Variants in PATJ observed in about 807,000 individuals in gnomAD.
PATJ encodes the protein PATJ crumbs cell polarity complex component.
A neutral mutation model predicts 224.9 loss-of-function variants in PATJ; 190 were observed. The observed-to-expected ratio is 0.84, with a 90% CI of 0.75 to 0.95. The LOEUF (loss-of-function observed/expected upper bound fraction) is 0.95, where lower values mean the gene tolerates loss of function less well. Ranked by LOEUF, PATJ falls within the 40% of genes least tolerant of loss-of-function variation. PATJ has a pLI of 0.00. For missense variants in PATJ, 2,121 were observed against 2,270.3 expected (o/e 0.93, Z 1.34); for synonymous variants, 769 against 820.3 (o/e 0.94, Z 1.07).
chr1:62,114,093 C>A lies in PATJ; in HGVS notation c.4502C>A (p.Ala1501Asp), dbSNP rs770240395. 12 of 1,613,996 alleles carry A rather than the reference C, an allele frequency of 7.4e-6. No individual in the cohort carries two copies. The Admixed American group carries it at 2.0e-4, about 27-fold the overall frequency. ...VDLRNSSHEE[A>D]ITALRQTPQK... Reference sequence around the variant, plus strand: ...CTGAGGAACTCCAGCCACGAAGAAGCCATCACAGCCCTGAGGCAGACCCCC... The same window carrying A: ...CTGAGGAACTCCAGCCACGAAGAAGACATCACAGCCCTGAGGCAGACCCCC... The change falls in exon 35 of 44, where the codon GCC (alanine) becomes GAC (aspartate). Residue 1501 changes from alanine to aspartate, a missense_variant. Physicochemically the swap from Ala to Asp is moderately radical, Grantham distance 126 (BLOSUM62 -2). Transcript: ENST00000642238.
At chr1:62,127,507 T>C (rs1665845054) in intron 39 of PATJ, among the ~76,000 whole-genome samples, 1 of 151,710 alleles carries the variant, frequency 6.6e-6, no homozygotes, top group Non-Finnish European at 1.5e-5. Context: ...CCACAGCTAA[T>C]TAAGAGCTAG....
intron 37 of PATJ, chr1:62,117,457 C>A: frequency 7.5e-7 from 1 of 1,326,260 alleles, no homozygotes; most frequent in Non-Finnish European, 9.7e-7. Flanking sequence ...TCTTTTCTCT[C>A]TATTAGTTCT....
chr1:61,830,985 A>G (rs978784098), intron 16 of PATJ, among the ~76,000 whole-genome samples: 42 of 152,102 alleles, frequency 2.8e-4, no homozygotes, highest in Non-Finnish European at 1.9e-4. Context: ...CAGGAGATTG[A>G]GACCTTCCTG....
At chr1:61,761,691 T>C (rs959280219) in intron 1 of PATJ, among the ~76,000 whole-genome samples, 1 of 151,856 alleles carries the variant, frequency 6.6e-6, no homozygotes, top group African/African-American at 2.4e-5. Context: ...TATTTTTTTT[T>C]TTTTTAATTT....
intron 8 of PATJ, among the ~76,000 whole-genome samples, chr1:61,790,090 G>A (rs1330744327): frequency 6.7e-6 from 1 of 148,950 alleles, no homozygotes; most frequent in Non-Finnish European, 1.5e-5. Flanking sequence ...TGTAGTCCCA[G>A]CTACTTGGGA....
chr1:61,996,723 CT>C (rs1205728182), intron 28 of PATJ, among the ~76,000 whole-genome samples: 2 of 135,502 alleles, frequency 1.5e-5, no homozygotes. Flanking sequence ...GAGATAGGTT[CT>C]TTTTTTCTTT....
chr1:62,084,482 A>G (rs1312058266), intron 32 of PATJ, 33 bp from the exon 33 acceptor site: 7 of 1,588,690 alleles, frequency 4.4e-6, no homozygotes, highest in Non-Finnish European at 4.3e-6. Context: ...CAGCTCTTAC[A>G]TGCCAGTCAT....
intron 28 of PATJ, among the ~76,000 whole-genome samples, chr1:62,001,847 T>A (rs1279934644): frequency 6.6e-6 from 1 of 152,180 alleles, no homozygotes; most frequent in East Asian, 1.9e-4. Flanking sequence ...CTTTGTATCC[T>A]CTTTTATTTC....
At chr1:61,814,166 T>A (rs2148669581) in intron 14 of PATJ, among the ~76,000 whole-genome samples, 1 of 133,898 alleles carries the variant, frequency 7.5e-6, no homozygotes, top group East Asian at 2.3e-4. Context: ...GATTCAGTGA[T>A]TCAGTCTCGC....
rs781075152 is a variant in PATJ at position 62,037,936 on chromosome 1, AT to A, written c.3960-38del. On this transcript the variant is annotated intron_variant, in intron 29 of 43. Transcript: ENST00000642238. ...TTATAATTTGAGCCAGGAACTTAGCATTTACTGTGTACTGATTCTGCCTATT... is the reference window on the plus strand; with the variant it reads ...TTATAATTTGAGCCAGGAACTTAGCATTACTGTGTACTGATTCTGCCTATT... 32 of 1,338,950 alleles carry A rather than the reference AT, an allele frequency of 2.4e-5. No individual in the cohort carries two copies. The Admixed American group carries it at 6.0e-4, about 25-fold the overall frequency. 82.9% of individuals were successfully genotyped at this position (1,338,950 alleles called of 1,614,324 possible).
intron 26 of PATJ, among the ~76,000 whole-genome samples, chr1:61,920,450 C>G (rs1674123475): frequency 6.6e-6 from 1 of 152,114 alleles, no homozygotes. Context: ...CTTGCTCCTC[C>G]TTGCTTTCCG....
chr1:61,794,149 G>A (rs928514302), intron 9 of PATJ, among the ~76,000 whole-genome samples: 2 of 151,816 alleles, frequency 1.3e-5, no homozygotes, highest in African/African-American at 4.8e-5. Context: ...TGATCTGTCC[G>A]CCTCAGCCTC....
At chr1:61,758,722 TG>T (rs1169396289) in intron 1 of PATJ, among the ~76,000 whole-genome samples, 1 of 152,182 alleles carries the variant, frequency 6.6e-6, no homozygotes, top group Non-Finnish European at 1.5e-5. Context: ...GATTAACAAA[TG>T]TTTTTCCTAA....
rs1303908908 is a variant in PATJ, at chr1:62,121,283, C to T, written c.4993C>T (p.Gln1665Ter). 1.9e-6 allele frequency: 3 copies of T among 1,608,044 alleles called. No homozygotes were observed. Among genetic ancestry groups the T allele is most frequent in the Admixed American group, 1.7e-5 (1 of 59,848 alleles). Reference protein sequence around the residue: ...VGTKRVSDPSQKNSGTDMEPR... With the variant: ...VGTKRVSDPS ...CACAAAAAGAGTTTCAGATCCTTCC[C>T]AGAAAAATTCAGGTATTACACGGAC... Residue 1665 changes from glutamine (Q) to a stop codon, truncating the protein, a stop_gained, in exon 38 of 44, where the codon CAG becomes TAG. Transcript: ENST00000642238. LOFTEE classifies it high-confidence loss of function.
intron 17 of PATJ, among the ~76,000 whole-genome samples, chr1:61,847,736 G>A (rs927654914): frequency 6.6e-6 from 1 of 152,134 alleles, no homozygotes; most frequent in African/African-American, 2.4e-5. Flanking sequence ...TAAATGCTTA[G>A]CTTATTGGTC....
In PATJ at chr1:61,975,760, G is replaced by A. The variant is rs548637944; in HGVS notation, c.3671-14408G>A. Among the ~76,000 whole-genome samples the A allele has an allele frequency of 5.9e-5, 9 of 151,968 alleles. 1 individual carries two copies. The South Asian group carries it at 1.5e-3, about 25-fold the overall frequency. The stretch of plus-strand genomic sequence containing the variant: ...TCCTAGCAGGAGTTTCAGGCTTATC[G>A]TCTCCTTCATTCCTGAGCTCCAAGC... On this transcript the variant is annotated intron_variant, in intron 27 of 43. Coordinates refer to ENST00000642238, the MANE Select transcript of PATJ (RefSeq NM_001350145.3).
At chr1:61,775,429 G>C in intron 7 of PATJ, 95 bp downstream of exon 7, 1 of 1,062,104 alleles carries the variant, frequency 9.4e-7, no homozygotes, top group Non-Finnish European at 1.4e-6. Flanking sequence ...CAGGATATAT[G>C]ACTTAATAAC....
chr1:62,050,913 G>T (rs894497217), intron 30 of PATJ, 53 bp from the exon 31 acceptor site: 44 of 1,295,254 alleles, frequency 3.4e-5, no homozygotes, highest in Non-Finnish European at 2.2e-6. Context: ...ACAATTCGAG[G>T]GAGTGTAAGT....
intron 28 of PATJ, among the ~76,000 whole-genome samples, chr1:61,999,552 C>T (rs1254787812): frequency 6.6e-6 from 1 of 152,028 alleles, no homozygotes; most frequent in Non-Finnish European, 1.5e-5. Flanking sequence ...GCTGTAATCT[C>T]AGCTACTCGG....
Sources: allele counts gnomAD v4.1 joint callset (sites outside exome capture counted in the v4.1 genomes callset), GRCh38; gene constraint gnomAD v4.1.1; transcripts MANE v1.5; gene names NCBI Gene and HGNC (gene_info 2026-07-23, HGNC 2026-07-21).